The following RIMS1 variants were observed in gnomAD, a reference collection of about 807,000 sequenced individuals.
RIMS1 encodes the protein regulating synaptic membrane exocytosis 1.
In RIMS1, 83 loss-of-function variants were observed where a neutral mutation model predicts 214.1. The ratio of observed to expected loss-of-function variants is 0.39; its 90% CI spans 0.32 to 0.47. The LOEUF (loss-of-function observed/expected upper bound fraction) is 0.47, where lower values mean the gene tolerates loss of function less well. Among genes scored for constraint, RIMS1 ranks in the 20% least tolerant of loss-of-function variants. The pLI, the probability that RIMS1 is intolerant of heterozygous loss-of-function variation, is 0.99. For synonymous variants in RIMS1, 793 were observed against 786.8 expected (o/e 1.01, Z -0.13); for missense variants, 2,050 against 2,161.8 (o/e 0.95, Z 1.03).
intron 4 of RIMS1, among the ~76,000 whole-genome samples, chr6:72,104,347 C>CT: frequency 6.6e-6 from 1 of 152,296 alleles, no homozygotes; most frequent in East Asian, 1.9e-4. Flanking sequence ...CTCTAGTGAA[C>CT]TTTCAGTAGC....
In RIMS1 at chr6:72,154,623, G is replaced by A. The variant is rs541077745; in HGVS notation, c.472-24952G>A. On this transcript the variant is annotated intron_variant, in intron 4 of 33. Transcript: ENST00000521978. Reference sequence around the variant, plus strand: ...AACTTTGACAACTACCCACAGATAAGAGTACATTTGTGAGAATCTAGGAGT... The same window carrying A: ...AACTTTGACAACTACCCACAGATAAAAGTACATTTGTGAGAATCTAGGAGT... 1.2e-3 allele frequency among the ~76,000 whole-genome samples: 176 copies of A among 140,806 alleles called. 39 individuals carry two copies. The highest frequency in any genetic ancestry group is 5.0e-4 in the Non-Finnish European group (31 of 61,916). 92.4% of individuals were successfully genotyped at this position (140,806 alleles called of 152,430 possible). A position where few individuals can be genotyped will look rare whatever the true frequency, so the allele number is the denominator to read the frequency against.
At position 72,258,195 on chromosome 6, in the gene RIMS1, T is replaced by C; in HGVS notation, c.2841T>C (p.Thr947=). ...TLTVPEQQRT[T]HHRSRSVSPH... ...CTGTGCCAGAACAGCAAAGAACAAC[T>C]CATCACCGCTCACGTTCAGTATCTC... is the stretch of plus-strand genomic sequence containing the variant. Residue 947 remains threonine, a synonymous_variant, in exon 17 of 34, where the codon ACT becomes ACC. Transcript: ENST00000521978. 6.2e-7 allele frequency: 1 copy of C among 1,613,356 alleles called. No individual in the cohort carries two copies.
chr6:71,983,343 T>C (rs1299821184), intron 2 of RIMS1, among the ~76,000 whole-genome samples: 1 of 152,142 alleles, frequency 6.6e-6, no homozygotes, highest in Non-Finnish European at 1.5e-5. Context: ...GCTCTCACTC[T>C]CACACTTGGT....
intron 6 of RIMS1, among the ~76,000 whole-genome samples, chr6:72,228,632 C>T (rs754246936): frequency 1.3e-5 from 2 of 151,854 alleles, no homozygotes; most frequent in Non-Finnish European, 1.5e-5. Context: ...CATGGGAATG[C>T]AGATATATCT....
intron 17 of RIMS1, 62 bp downstream of exon 17, chr6:72,258,343 TTGC>T: frequency 7.1e-7 from 1 of 1,413,616 alleles, no homozygotes; most frequent in Non-Finnish European, 9.6e-7. Flanking sequence ...GCAGTGTAAA[TTGC>T]TGCAAAACTA....
intron 29 of RIMS1, among the ~76,000 whole-genome samples, chr6:72,370,967 G>A (rs2098198141): frequency 6.6e-6 from 1 of 152,122 alleles, no homozygotes. Flanking sequence ...TCCCATGAAA[G>A]TTAAAGACAA....
intron 28 of RIMS1, among the ~76,000 whole-genome samples, chr6:72,320,839 T>C (rs2096113543): frequency 2.0e-5 from 3 of 152,046 alleles, no homozygotes; most frequent in Non-Finnish European, 4.4e-5. Flanking sequence ...CTTTATACTA[T>C]GCTTTTTTAT....
intron 23 of RIMS1, among the ~76,000 whole-genome samples, chr6:72,275,403 C>T (rs1352934524): frequency 4.0e-5 from 6 of 151,032 alleles, no homozygotes; most frequent in Admixed American, 6.6e-5. Context: ...CCTAGTTAAC[C>T]GTGACACAAT....
At chr6:72,205,578 T>C (rs2052758081) in intron 6 of RIMS1, among the ~76,000 whole-genome samples, 1 of 152,272 alleles carries the variant, frequency 6.6e-6, no homozygotes. Flanking sequence ...AAGCCTGGTG[T>C]TTGGAACTGA....
intron 4 of RIMS1, among the ~76,000 whole-genome samples, chr6:72,150,393 T>C (rs1361510646): frequency 6.6e-6 from 1 of 152,204 alleles, no homozygotes; most frequent in Admixed American, 6.5e-5. Flanking sequence ...AACTGTCTTT[T>C]GGCTTGAAGG....
At chr6:72,040,247 A>G (rs1276634960) in intron 2 of RIMS1, among the ~76,000 whole-genome samples, 1 of 151,988 alleles carries the variant, frequency 6.6e-6, no homozygotes, top group African/African-American at 2.4e-5. Flanking sequence ...ATGCATGATA[A>G]TTCCCCTGGA....
intron 26 of RIMS1, among the ~76,000 whole-genome samples, chr6:72,298,641 A>G (rs1255435953): frequency 6.6e-6 from 1 of 152,012 alleles, no homozygotes; most frequent in African/African-American, 2.4e-5. Context: ...TGCCAAAGGT[A>G]AAAAAGCTGC....
intron 1 of RIMS1, among the ~76,000 whole-genome samples, chr6:71,890,184 AT>A (rs1225154849): frequency 6.6e-6 from 1 of 152,156 alleles, no homozygotes; most frequent in Admixed American, 6.5e-5. Context: ...ATGGAAAAAA[AT>A]CAAGCTACTT....
rs551797522 is a variant in RIMS1, at chr6:72,258,416, T to A, written c.2927+135T>A. On this transcript the variant is annotated intron_variant, in intron 17 of 33. Transcript: ENST00000521978. Reference sequence around the variant, plus strand: ...TTTTCAGAATTAATTGTAGGCAAAATTTTTTTTATTCTTTATCCAACCTAT... The same window carrying A: ...TTTTCAGAATTAATTGTAGGCAAAAATTTTTTTATTCTTTATCCAACCTAT... 4.3e-5 allele frequency: 40 copies of A among 935,936 alleles called. No individual in the cohort carries two copies. The South Asian group carries it at 7.7e-4, about 18-fold the overall frequency. The allele number at this position is 935,936 out of a possible 1,614,324, so 58.0% of individuals were successfully genotyped here. A position where few individuals can be genotyped will look rare whatever the true frequency, so the allele number is the denominator to read the frequency against.
intron 27 of RIMS1, among the ~76,000 whole-genome samples, chr6:72,311,411 T>C (rs1297338066): frequency 6.6e-6 from 1 of 152,242 alleles, no homozygotes; most frequent in Non-Finnish European, 1.5e-5. Flanking sequence ...AGAATCATGT[T>C]ATTAAATATA....
chr6:72,217,088 G>T (rs1489557000), intron 6 of RIMS1: 2 of 1,507,616 alleles, frequency 1.3e-6, no homozygotes, highest in Non-Finnish European at 1.8e-6. Context: ...GTTGTATTTT[G>T]GTGGATTTTT....
At chr6:72,245,685 AG>A (rs1190746057) in intron 10 of RIMS1, 129 bp from the exon 11 acceptor site, 4 of 630,790 alleles carry the variant, frequency 6.3e-6, no homozygotes, top group African/African-American at 5.5e-5. Context: ...TTGCCTTAAT[AG>A]TAACTCCTAT....
intron 2 of RIMS1, among the ~76,000 whole-genome samples, chr6:72,022,938 G>T (rs1303838758): frequency 6.6e-6 from 1 of 152,086 alleles, no homozygotes; most frequent in Non-Finnish European, 1.5e-5. Flanking sequence ...ATTTTTATAA[G>T]TGACATTAAA....
At chr6:72,085,036 C>G (rs1834298645) in intron 2 of RIMS1, among the ~76,000 whole-genome samples, 2 of 151,996 alleles carry the variant, frequency 1.3e-5, no homozygotes, top group Non-Finnish European at 2.9e-5. Context: ...ACACATTTTC[C>G]TAATAAGTCA....
Sources: gnomAD v4.1 joint callset for allele counts (sites outside exome capture counted in the v4.1 genomes callset) on GRCh38, gnomAD v4.1.1 for gene constraint, MANE v1.5 for transcripts, NCBI Gene and HGNC (gene_info 2026-07-23, HGNC 2026-07-21) for gene names.